KLF8: variants seen among roughly 807,000 people sequenced by gnomAD.
KLF8 encodes Krueppel-like factor 8.
In KLF8, 10 loss-of-function variants were observed where a neutral mutation model predicts 18.2. That is an observed-to-expected ratio of 0.55 (90% confidence interval 0.34 to 0.93). The LOEUF (loss-of-function observed/expected upper bound fraction) is 0.93, where lower values mean the gene tolerates loss of function less well. Among genes scored for constraint, KLF8 ranks in the 40% least tolerant of loss-of-function variants. The pLI is 0.02. For synonymous variants in KLF8, 109 were observed against 97.3 expected (o/e 1.12, Z -0.71); for missense variants, 264 against 277.9 (o/e 0.95, Z 0.36).
In KLF8 at chrX:56,290,707, C is replaced by A. The variant is rs2067313864; in HGVS notation, c.*6213C>A. ...AGTTCAGTTTCACCACTTATATTTT[C>A]TCTTTCCCAACTTACTTTACTCTGA... On this transcript the variant is annotated 3_prime_UTR_variant, in exon 6 of 6. Transcript: ENST00000468660. Among the ~76,000 whole-genome samples the A allele has an allele frequency of 9.0e-6, 1 of 111,028 alleles. No individual in the cohort carries two copies. Among genetic ancestry groups the A allele is most frequent in the African/African-American group, 3.3e-5 (1 of 30,522 alleles).
chrX:56,237,024 C>T (rs1025573860), intron 1 of KLF8, among the ~76,000 whole-genome samples: 1 of 105,119 alleles, frequency 9.5e-6, no homozygotes, highest in South Asian at 4.3e-4. Context: ...AACTGGAATT[C>T]TAGGAATTTA....
chrX:56,227,874 AACACACACACAC>A (rs72391707), upstream of KLF8, among the ~76,000 whole-genome samples: 44 of 85,531 alleles, frequency 5.1e-4, no homozygotes, highest in African/African-American at 1.5e-3. Flanking sequence ...CCCTAGCCCC[AACACACACACAC>A]ACACACACAC....
chrX:56,280,070 C>T (rs2067180027), intron 5 of KLF8, among the ~76,000 whole-genome samples: 1 of 111,649 alleles, frequency 9.0e-6, no homozygotes, highest in African/African-American at 3.3e-5. Context: ...ACCAGGCATG[C>T]AGTGCAGCAC....
At chrX:55,947,642 A>AT in the KLF8 span, among the ~76,000 whole-genome samples, 1 of 110,787 alleles carries the variant, frequency 9.0e-6, no homozygotes, top group African/African-American at 3.3e-5. Context: ...TATAGTAATA[A>AT]AAAAAATGCA....
chrX:56,265,907 T>C lies in KLF8; in HGVS notation c.646+163T>C. On this transcript the variant is annotated intron_variant, in intron 3 of 5. Coordinates refer to ENST00000468660, the MANE Select transcript of KLF8 (RefSeq NM_007250.5). Reference sequence around the variant, plus strand: ...TTTATGTCTTTTTAATGCTTAAGAATGTACAATGAGTCTTGATTAGACCAT... The same window carrying C: ...TTTATGTCTTTTTAATGCTTAAGAACGTACAATGAGTCTTGATTAGACCAT... 2.9e-6 allele frequency: 3 copies of C among 1,050,595 alleles called. No homozygotes were observed. In the East Asian group the frequency reaches 1.0e-4, roughly 35 times the overall value. 86.6% of individuals were successfully genotyped at this position (1,050,595 alleles called of 1,213,427 possible). A position where few individuals can be genotyped will look rare whatever the true frequency, so the allele number is the denominator to read the frequency against.
the KLF8 span, among the ~76,000 whole-genome samples, chrX:55,968,838 G>A: frequency 8.9e-6 from 1 of 111,765 alleles, no homozygotes; most frequent in Non-Finnish European, 1.9e-5. Flanking sequence ...TTTATTAGGA[G>A]CATGAAAACA....
Position 56,284,829 on chromosome X carries a change from C to A in KLF8, c.*335C>A. ...CAGGAATCAAACTCAAGGCTGTGAA[C>A]AAACATACGCTGCTTTATTCTTTCC... On this transcript the variant is annotated 3_prime_UTR_variant, in exon 6 of 6. Coordinates refer to ENST00000468660, the MANE Select transcript of KLF8 (RefSeq NM_007250.5). The A allele has an allele frequency of 5.0e-6, 1 of 198,859 alleles. No individual in the cohort carries two copies. 16.4% of individuals were successfully genotyped at this position (198,859 alleles called of 1,213,427 possible). A position where few individuals can be genotyped will look rare whatever the true frequency, so the allele number is the denominator to read the frequency against.
the KLF8 span, among the ~76,000 whole-genome samples, chrX:56,108,217 G>A: frequency 2.7e-5 from 3 of 111,109 alleles, no homozygotes; most frequent in Non-Finnish European, 5.7e-5. Context: ...TAATTGTACT[G>A]GCTATTACTT....
chrX:55,936,183 T>A, the KLF8 span, among the ~76,000 whole-genome samples: 2 of 112,371 alleles, frequency 1.8e-5, no homozygotes, highest in South Asian at 7.3e-4. Context: ...AAATAAATCA[T>A]CTTTTCTTTA....
the KLF8 span, among the ~76,000 whole-genome samples, chrX:56,107,541 A>G: frequency 4.5e-5 from 5 of 112,036 alleles, no homozygotes; most frequent in Admixed American, 1.9e-4. Context: ...ACTGGAGAGA[A>G]TCGCCTGATC....
the KLF8 span, among the ~76,000 whole-genome samples, chrX:56,099,651 C>A: frequency 0.13 from 14,224 of 111,358 alleles, 1,627 homozygotes; most frequent in African/African-American, 0.37. Context: ...CACACCAACA[C>A]GAATGCAAAA....
chrX:56,124,940 T>C, the KLF8 span, among the ~76,000 whole-genome samples: 1 of 111,905 alleles, frequency 8.9e-6, no homozygotes, highest in South Asian at 3.8e-4. Flanking sequence ...TTCAGAAGCC[T>C]CTTTCTACAC....
chrX:56,143,646 C>T, the KLF8 span, among the ~76,000 whole-genome samples: 1 of 111,846 alleles, frequency 8.9e-6, no homozygotes, highest in Non-Finnish European at 1.9e-5. Flanking sequence ...TTCACCCCAA[C>T]CCTTACCATT....
the KLF8 span, among the ~76,000 whole-genome samples, chrX:55,920,326 CA>C: frequency 1.8e-5 from 2 of 110,264 alleles, no homozygotes; most frequent in Non-Finnish European, 3.8e-5. Context: ...GAGAAGGATA[CA>C]AAAAAAACAA....
chrX:55,965,873 T>C, the KLF8 span, among the ~76,000 whole-genome samples: 3 of 111,726 alleles, frequency 2.7e-5, no homozygotes, highest in African/African-American at 6.5e-5. Flanking sequence ...CACTGCCTAT[T>C]TTGGACCTAC....
At chrX:55,948,274 C>T in the KLF8 span, among the ~76,000 whole-genome samples, 1 of 112,064 alleles carries the variant, frequency 8.9e-6, no homozygotes, top group Non-Finnish European at 1.9e-5. Context: ...GCCATATGGT[C>T]TCTATTGCAA....
the KLF8 span, among the ~76,000 whole-genome samples, chrX:55,965,332 T>C: frequency 8.9e-6 from 1 of 112,017 alleles, no homozygotes; most frequent in African/African-American, 3.2e-5. Context: ...TGAAATTCAG[T>C]ATTCCTTCGT....
the KLF8 span, among the ~76,000 whole-genome samples, chrX:56,182,647 T>C: frequency 8.9e-6 from 1 of 112,560 alleles, no homozygotes; most frequent in South Asian, 3.7e-4. Context: ...AATGGGGTTT[T>C]GGTGTGGGTG....
the KLF8 span, among the ~76,000 whole-genome samples, chrX:56,168,504 T>C: frequency 2.9e-4 from 33 of 112,402 alleles, no homozygotes; most frequent in East Asian, 8.7e-3. Flanking sequence ...AAAATAGTCT[T>C]TTTTATTATT....
Sources: allele counts gnomAD v4.1 joint callset (sites outside exome capture counted in the v4.1 genomes callset), GRCh38; gene constraint gnomAD v4.1.1; transcripts MANE v1.5; gene names NCBI Gene and HGNC (gene_info 2026-07-23, HGNC 2026-07-21).